IL1RAPL2: variants seen among roughly 807,000 people sequenced by gnomAD.
The protein encoded by IL1RAPL2 is X-linked interleukin-1 receptor accessory protein-like 2.
In IL1RAPL2, 3 loss-of-function variants were observed where a neutral mutation model predicts 44.1. The ratio of observed to expected loss-of-function variants is 0.07; its 90% CI spans 0.03 to 0.18. IL1RAPL2 has a LOEUF of 0.18. IL1RAPL2 is among the 10% of genes least tolerant of loss of function. IL1RAPL2 has a pLI of 1.00. For missense variants in IL1RAPL2, 391 were observed against 496.4 expected (o/e 0.79, Z 2.02); for synonymous variants, 181 against 178.8 (o/e 1.01, Z -0.10).
intron 2 of IL1RAPL2, among the ~76,000 whole-genome samples, chrX:104,907,100 G>A (rs1181748373): frequency 9.0e-6 from 1 of 110,799 alleles, no homozygotes. Context: ...AGAGGTGTTT[G>A]TAGTATTCTC....
At position 105,121,779 on chromosome X, in the gene IL1RAPL2, G is replaced by A. The variant is rs143874705; in HGVS notation, c.83-73696G>A. ...TCTTGTTATTCGATCAAAGCAAAGT[G>A]GTTAATTCTTGGAGCCTCAGGATGT... On this transcript the variant is annotated intron_variant, in intron 2 of 10. Coordinates refer to ENST00000372582, the MANE Select transcript of IL1RAPL2 (RefSeq NM_017416.2). Among the ~76,000 whole-genome samples, 786 of 111,044 alleles carry A rather than the reference G, an allele frequency of 7.1e-3. 8 individuals are homozygous for A. The highest frequency in any genetic ancestry group is 0.024 in the African/African-American group (750 of 30,636).
intron 5 of IL1RAPL2, among the ~76,000 whole-genome samples, chrX:105,337,874 G>A (rs895956514): frequency 2.0e-5 from 2 of 102,119 alleles, no homozygotes; most frequent in Admixed American, 9.9e-5. Flanking sequence ...CTGGGAGAGA[G>A]AGTGAGACTC....
rs1255546448 is a variant in IL1RAPL2 at position 104,585,343 on chromosome X, TTA to T, written c.-20+18300_-20+18301del. Among the ~76,000 whole-genome samples the T allele has an allele frequency of 2.9e-3, 52 of 17,848 alleles. 2 individuals carry two copies. The highest frequency in any genetic ancestry group is 0.026 in the Middle Eastern group (1 of 38). 15.5% of individuals were successfully genotyped at this position (17,848 alleles called of 115,157 possible). A position where few individuals can be genotyped will look rare whatever the true frequency, so the allele number is the denominator to read the frequency against. ...TATTATATATAATATATATTATATATTATATATATTATATATATTATATATAT... is the reference window on the plus strand; with the variant it reads ...TATTATATATAATATATATTATATATTATATATTATATATATTATATATAT... On this transcript the variant is annotated intron_variant, in intron 1 of 10. Coordinates refer to ENST00000372582, the MANE Select transcript of IL1RAPL2 (RefSeq NM_017416.2).
At chrX:105,294,580 T>A (rs2034640927) in intron 5 of IL1RAPL2, among the ~76,000 whole-genome samples, 1 of 112,276 alleles carries the variant, frequency 8.9e-6, no homozygotes, top group Non-Finnish European at 1.9e-5. Context: ...CCTGTTTAGC[T>A]GACTGTGTTT....
rs540081510 is a variant in IL1RAPL2, at chrX:105,392,115, T to C, written c.698-92198T>C. Among the ~76,000 whole-genome samples, 479 of 107,423 alleles carry C rather than the reference T, an allele frequency of 4.5e-3. 3 individuals carry two copies. The highest frequency in any genetic ancestry group is 7.6e-3 in the Non-Finnish European group (398 of 52,038). The allele number at this position is 107,423 out of a possible 115,157, so 93.3% of individuals were successfully genotyped here. On this transcript the variant is annotated intron_variant, in intron 5 of 10. Coordinates refer to ENST00000372582, the MANE Select transcript of IL1RAPL2 (RefSeq NM_017416.2). ...ACATATGTAACTAACCTGCATGTTG[T>C]GCACATGTACCCTAAAACTTAAAGT...
At chrX:104,632,246 C>T (rs1206957608) in intron 1 of IL1RAPL2, among the ~76,000 whole-genome samples, 1 of 111,633 alleles carries the variant, frequency 9.0e-6, no homozygotes, top group Non-Finnish European at 1.9e-5. Context: ...TTACCATAGC[C>T]TTGTAGTATA....
chrX:105,570,452 G>A (rs2037006478), intron 6 of IL1RAPL2, among the ~76,000 whole-genome samples: 1 of 111,387 alleles, frequency 9.0e-6, no homozygotes, highest in Non-Finnish European at 1.9e-5. Context: ...TTTTCCTTTG[G>A]GTAGATACCC....
At chrX:105,596,751 C>T (rs2037213503) in intron 6 of IL1RAPL2, among the ~76,000 whole-genome samples, 1 of 111,720 alleles carries the variant, frequency 9.0e-6, no homozygotes, top group Admixed American at 9.6e-5. Flanking sequence ...CTGGATGATC[C>T]ACCCATTGTT....
intron 2 of IL1RAPL2, among the ~76,000 whole-genome samples, chrX:104,885,711 A>G (rs1369407939): frequency 1.8e-5 from 2 of 112,366 alleles, no homozygotes; most frequent in African/African-American, 6.5e-5. Flanking sequence ...CCCTCAGACA[A>G]ACAAACCTTG....
intron 5 of IL1RAPL2, among the ~76,000 whole-genome samples, chrX:105,452,282 T>C (rs2036024827): frequency 8.9e-6 from 1 of 111,769 alleles, no homozygotes; most frequent in Non-Finnish European, 1.9e-5. Context: ...TGAGACCGTT[T>C]ATCTTTTTTA....
At chrX:104,968,979 CTGTGTGTGTGTGTGTGTGTGTGTG>C (rs35842489) in intron 2 of IL1RAPL2, among the ~76,000 whole-genome samples, 2 of 82,049 alleles carry the variant, frequency 2.4e-5, no homozygotes, top group African/African-American at 4.6e-5. Flanking sequence ...TTGCCTTTTG[CTGTGTGTGTGTGTGTGTGTGTGTG>C]TGTGTGTGTG....
chrX:105,093,821 T>G (rs1253624419), intron 2 of IL1RAPL2, among the ~76,000 whole-genome samples: 3 of 111,774 alleles, frequency 2.7e-5, no homozygotes, highest in African/African-American at 9.8e-5. Context: ...GTTAACTATG[T>G]GGCCATAGGA....
At chrX:104,946,343 G>T (rs1207674036) in intron 2 of IL1RAPL2, among the ~76,000 whole-genome samples, 44 of 75,141 alleles carry the variant, frequency 5.9e-4, no homozygotes, top group African/African-American at 2.4e-3. Context: ...ACTGCAGTCC[G>T]CAGTCTGGCC....
intron 5 of IL1RAPL2, among the ~76,000 whole-genome samples, chrX:105,417,074 A>G (rs2035738311): frequency 8.9e-6 from 1 of 112,482 alleles, no homozygotes; most frequent in African/African-American, 3.2e-5. Context: ...ATGATCATCT[A>G]GCCCTGTGCT....
At chrX:105,285,606 G>A (rs1306312947) in intron 5 of IL1RAPL2, among the ~76,000 whole-genome samples, 1 of 111,435 alleles carries the variant, frequency 9.0e-6, no homozygotes, top group Admixed American at 9.6e-5. Context: ...ATTAATTTAT[G>A]TGCCCCCAAA....
chrX:105,488,345 A>T (rs982532616), intron 6 of IL1RAPL2, among the ~76,000 whole-genome samples: 2 of 112,062 alleles, frequency 1.8e-5, no homozygotes, highest in Non-Finnish European at 3.8e-5. Context: ...GCACTAGAGG[A>T]TGAGACACAA....
chrX:105,425,522 AG>A (rs2147747893), intron 5 of IL1RAPL2, among the ~76,000 whole-genome samples: 1 of 95,419 alleles, frequency 1.0e-5, no homozygotes, highest in South Asian at 4.9e-4. Flanking sequence ...TTTTATGCAT[AG>A]GACTCAGGAA....
At chrX:104,730,582 A>G (rs1931891769) in intron 2 of IL1RAPL2, among the ~76,000 whole-genome samples, 1 of 105,075 alleles carries the variant, frequency 9.5e-6, no homozygotes, top group East Asian at 3.1e-4. Flanking sequence ...ATAGTATTCC[A>G]TGGTGTATAT....
intron 6 of IL1RAPL2, among the ~76,000 whole-genome samples, chrX:105,503,461 G>GA (rs2036410478): frequency 9.0e-6 from 1 of 111,340 alleles, no homozygotes; most frequent in South Asian, 3.7e-4. Flanking sequence ...CTAAATAAGA[G>GA]AAAAAAGAAG....
Sources: allele counts gnomAD v4.1 joint callset (sites outside exome capture counted in the v4.1 genomes callset), GRCh38; gene constraint gnomAD v4.1.1; transcripts MANE v1.5; gene names NCBI Gene and HGNC (gene_info 2026-07-23, HGNC 2026-07-21).